Variants in KIAA1549 observed in about 807,000 individuals in gnomAD.
KIAA1549 encodes the protein UPF0606 protein KIAA1549.
A neutral mutation model predicts 156.4 loss-of-function variants in KIAA1549; 70 were observed. The ratio of observed to expected loss-of-function variants is 0.45; its 90% CI spans 0.37 to 0.55. The LOEUF (loss-of-function observed/expected upper bound fraction) is 0.55, where lower values mean the gene tolerates loss of function less well. Among genes scored for constraint, KIAA1549 ranks in the 20% least tolerant of loss-of-function variants. The probability of loss-of-function intolerance (pLI) is 0.00; values close to 1 mark genes in which losing one functional copy is unlikely to be tolerated. For missense variants in KIAA1549, 2,428 were observed against 2,540.9 expected (o/e 0.96, Z 0.96); for synonymous variants, 1,103 against 1,066.4 (o/e 1.03, Z -0.67).
rs992061973 is a variant in KIAA1549, at chr7:138,917,849, T to G, written c.1777A>C (p.Ser593Arg). 3 of 1,603,536 alleles carry G rather than the reference T, an allele frequency of 1.9e-6. No individual in the cohort carries two copies. The highest frequency in any genetic ancestry group is 1.7e-6 in the Non-Finnish European group (2 of 1,175,112). Reference sequence around the variant, plus strand: ...GAAGACTCCACTGAAGGAACCAGACTATAAGGCGTAAAAACACTCGGGTCT... The same window carrying G: ...GAAGACTCCACTGAAGGAACCAGACGATAAGGCGTAAAAACACTCGGGTCT... The part of the protein sequence containing the change: ...VRDPSVFTPY[S>R]LVPSVESSLF... The change falls in exon 2 of 20, where the codon AGT becomes CGT. Residue 593 changes from serine (S) to arginine (R), a missense_variant. Around this residue, in one of 5 missense-constraint regions of KIAA1549, gnomAD observed 893 missense variants for 847.9 expected, o/e 1.05. Transcript: ENST00000422774.
intron 19 of KIAA1549, among the ~76,000 whole-genome samples, chr7:138,839,850 C>T (rs562988708): frequency 3.0e-5 from 4 of 134,372 alleles, no homozygotes; most frequent in Admixed American, 8.6e-5. Flanking sequence ...TGCAGTGGCA[C>T]GATCTCGGCT....
chr7:138,869,698 C>T lies in KIAA1549; in HGVS notation c.4615G>A (p.Ala1539Thr), dbSNP rs1810868581. The change falls in exon 14 of 20, where the codon GCC becomes ACC. Residue 1539 changes from alanine (A) to threonine (T), a missense_variant. Transcript: ENST00000422774. ...EHHRNKIRLR[A>T]KRRGHYEFPV... is the part of the protein sequence containing the mutation. ...AACTCGTAGTGCCCGCGGCGCTTGG[C>T]GCGCAGGCGGATCTTGTTGCGATGG... The T allele has an allele frequency of 4.3e-6, 7 of 1,612,194 alleles. No homozygotes were observed. The highest frequency in any genetic ancestry group is 2.2e-5 in the East Asian group (1 of 44,852).
intron 1 of KIAA1549, among the ~76,000 whole-genome samples, chr7:138,960,606 A>C (rs1052238504): frequency 3.3e-5 from 5 of 152,254 alleles, no homozygotes; most frequent in Non-Finnish European, 5.9e-5. Context: ...CACTGTGACC[A>C]GCCACAAAAA....
intron 11 of KIAA1549, among the ~76,000 whole-genome samples, chr7:138,880,654 G>A (rs767880957): frequency 6.6e-6 from 1 of 152,138 alleles, no homozygotes; most frequent in East Asian, 1.9e-4. Flanking sequence ...AAAGCCTGAC[G>A]GTGCGATGAT....
intron 1 of KIAA1549, among the ~76,000 whole-genome samples, chr7:138,968,225 G>T (rs1180515039): frequency 6.6e-6 from 1 of 152,158 alleles, no homozygotes; most frequent in Non-Finnish European, 1.5e-5. Flanking sequence ...TTAGGAAAAA[G>T]AGCTAATGTA....
At chr7:138,844,497 C>T (rs1810017482) in intron 17 of KIAA1549, 23 bp from the exon 18 acceptor site, 2 of 1,514,534 alleles carry the variant, frequency 1.3e-6, no homozygotes, top group Admixed American at 2.3e-5. Flanking sequence ...CAAACCAGCA[C>T]ATCAGGACTC....
intron 17 of KIAA1549, among the ~76,000 whole-genome samples, chr7:138,851,555 C>T (rs575569714): frequency 1.3e-5 from 2 of 150,536 alleles, no homozygotes; most frequent in African/African-American, 4.9e-5. Flanking sequence ...TTCTCATATG[C>T]CTGGGGGTGG....
intron 12 of KIAA1549, chr7:138,876,560 A>G (rs1811090665): frequency 1.3e-5 from 2 of 152,254 alleles, no homozygotes; most frequent in African/African-American, 4.8e-5. Flanking sequence ...TGAAGTTTTA[A>G]CTACTTAAAA....
chr7:138,980,646 G>A (rs1415203633), intron 1 of KIAA1549, among the ~76,000 whole-genome samples: 3 of 152,192 alleles, frequency 2.0e-5, no homozygotes, highest in African/African-American at 7.2e-5. Context: ...GCTTGTCCCG[G>A]TAATGCAATA....
intron 6 of KIAA1549, among the ~76,000 whole-genome samples, chr7:138,906,374 T>C (rs944519979): frequency 6.6e-6 from 1 of 152,152 alleles, no homozygotes; most frequent in African/African-American, 2.4e-5. Context: ...CCAATGCAGG[T>C]TGATCACTGT....
rs1474654957 is a variant in KIAA1549, at chr7:138,861,255, C to T, written c.5131G>A (p.Gly1711Ser). The change falls in exon 16 of 20, where the codon GGC (glycine) becomes AGC (serine). Residue 1711 changes from glycine (G) to serine (S), a missense_variant. Gly to Ser is a moderately conservative substitution (Grantham distance 56). Coordinates refer to ENST00000422774, the MANE Select transcript of KIAA1549 (RefSeq NM_001164665.2). ...SSQPASTAGVGPGVPPGLPAN... is the reference protein window; with the variant it reads ...SSQPASTAGVSPGVPPGLPAN... ...GGCAGGCCGGGTGGGACTCCGGGGC[C>T]TACACCTGCGGTGCTGGCAGGCTGG... is the stretch of plus-strand genomic sequence containing the variant. 6.2e-7 allele frequency: 1 copy of T among 1,610,516 alleles called. No individual in the cohort carries two copies. The highest frequency in any genetic ancestry group is 2.2e-5 in the East Asian group (1 of 44,878).
At chr7:138,838,520 C>A (rs1446924928) in intron 19 of KIAA1549, among the ~76,000 whole-genome samples, 1 of 152,114 alleles carries the variant, frequency 6.6e-6, no homozygotes. Flanking sequence ...CCTGTCTCTG[C>A]GTGAGTGTGT....
At position 138,835,606 on chromosome 7, in the gene KIAA1549, A is replaced by G. The variant is rs1809683724; in HGVS notation, c.*2300T>C. 4.5e-6 allele frequency: 1 copy of G among 223,158 alleles called. No homozygotes were observed. The allele number at this position is 223,158 out of a possible 1,614,324, so 13.8% of individuals were successfully genotyped here. ...GGGGCCATTTATCCCGTTTGCTGTC[A>G]CACGATTTGAATTCATTACAAGGTG... On this transcript the variant is annotated 3_prime_UTR_variant, in exon 20 of 20. Coordinates refer to ENST00000422774, the MANE Select transcript of KIAA1549 (RefSeq NM_001164665.2).
At chr7:138,933,004 G>A (rs183876725) in intron 1 of KIAA1549, among the ~76,000 whole-genome samples, 5 of 152,168 alleles carry the variant, frequency 3.3e-5, no homozygotes, top group African/African-American at 4.8e-5. Context: ...ACAGAAAATC[G>A]GTCGGTACTG....
intron 1 of KIAA1549, among the ~76,000 whole-genome samples, chr7:138,954,578 G>A (rs923857668): frequency 3.9e-5 from 6 of 152,188 alleles, no homozygotes; most frequent in Non-Finnish European, 5.9e-5. Flanking sequence ...GTTCCTCCTC[G>A]TCTGTCAGGT....
intron 2 of KIAA1549, among the ~76,000 whole-genome samples, chr7:138,915,376 G>A (rs1246245296): frequency 6.6e-6 from 1 of 152,006 alleles, no homozygotes; most frequent in East Asian, 1.9e-4. Flanking sequence ...GAAGCTTCCA[G>A]AAGCACCTCA....
chr7:138,886,022 C>G (rs1417451406), intron 10 of KIAA1549, among the ~76,000 whole-genome samples: 1 of 152,032 alleles, frequency 6.6e-6, no homozygotes, highest in Non-Finnish European at 1.5e-5. Context: ...GGAAAGCCCC[C>G]CCCCAAATTC....
intron 1 of KIAA1549, among the ~76,000 whole-genome samples, chr7:138,968,261 G>A (rs1814094826): frequency 6.6e-6 from 1 of 151,986 alleles, no homozygotes; most frequent in African/African-American, 2.4e-5. Context: ...CCAGATGATG[G>A]GTTGACAGGT....
intron 1 of KIAA1549, among the ~76,000 whole-genome samples, chr7:138,960,291 A>G (rs953663595): frequency 3.0e-4 from 25 of 84,188 alleles, no homozygotes; most frequent in Non-Finnish European, 4.1e-4. Context: ...ATTTTATTTT[A>G]TTGATTTATT....
Sources: gnomAD v4.1 joint callset for allele counts (sites outside exome capture counted in the v4.1 genomes callset) on GRCh38, gnomAD v4.1.1 for gene constraint, gnomAD v4.1.1 regional missense constraint, MANE v1.5 for transcripts, NCBI Gene and HGNC (gene_info 2026-07-23, HGNC 2026-07-21) for gene names.